Variants in XKR9 observed in about 807,000 individuals in gnomAD.
XKR9 encodes XK related 9, also known as XK-related protein 9.
XKR9 carries 32 observed loss-of-function variants against 32.0 expected under a neutral mutation model. That is an observed-to-expected ratio of 1.00 (90% CI 0.76 to 1.34). XKR9 has a LOEUF of 1.34. XKR9 is among the 40% of genes most tolerant of loss of function. The pLI, the probability that XKR9 is intolerant of heterozygous loss-of-function variation, is 0.00. For synonymous variants in XKR9, 168 were observed against 143.4 expected (o/e 1.17, Z -1.22); for missense variants, 546 against 429.7 (o/e 1.27, Z -2.39).
the XKR9 span, among the ~76,000 whole-genome samples, chr8:70,857,867 C>A: frequency 1.3e-5 from 2 of 152,084 alleles, no homozygotes; most frequent in African/African-American, 2.4e-5. Context: ...ACAAAAACCA[C>A]GTGATTATCT....
the XKR9 span, among the ~76,000 whole-genome samples, chr8:71,001,214 G>A: frequency 6.6e-6 from 1 of 152,106 alleles, no homozygotes; most frequent in African/African-American, 2.4e-5. Flanking sequence ...AGAGAAATAG[G>A]CATGGGATCG....
At chr8:70,846,507 G>A in the XKR9 span, among the ~76,000 whole-genome samples, 1 of 151,798 alleles carries the variant, frequency 6.6e-6, no homozygotes, top group Non-Finnish European at 1.5e-5. Context: ...CTACAAAATG[G>A]TAGGAATAAG....
the XKR9 span, among the ~76,000 whole-genome samples, chr8:70,962,893 A>G: frequency 0.42 from 63,776 of 152,112 alleles, 14,456 homozygotes; most frequent in Non-Finnish European, 0.52. Context: ...ACTGCATTAC[A>G]TATATTTTAA....
the XKR9 span, among the ~76,000 whole-genome samples, chr8:70,809,053 G>T: frequency 6.6e-6 from 1 of 152,198 alleles, no homozygotes; most frequent in Non-Finnish European, 1.5e-5. Flanking sequence ...CCCAGTAGGG[G>T]CAGACTGACA....
At chr8:70,786,529 CT>C (rs1807690524) in intron 2 of XKR9, among the ~76,000 whole-genome samples, 1 of 151,888 alleles carries the variant, frequency 6.6e-6, no homozygotes, top group Admixed American at 6.6e-5. Context: ...ACATAATGTC[CT>C]TTTTTTGCTT....
the XKR9 span, among the ~76,000 whole-genome samples, chr8:70,854,812 G>C: frequency 2.0e-5 from 3 of 152,032 alleles, no homozygotes; most frequent in Non-Finnish European, 4.4e-5. Flanking sequence ...TGTCAGGTTT[G>C]TCAAAGATCA....
chr8:70,826,609 C>A, the XKR9 span, among the ~76,000 whole-genome samples: 1 of 152,028 alleles, frequency 6.6e-6, no homozygotes, highest in African/African-American at 2.4e-5. Context: ...ATAGCTTGGG[C>A]TGGGTGACTT....
chr8:70,959,164 A>G, the XKR9 span, among the ~76,000 whole-genome samples: 1 of 152,216 alleles, frequency 6.6e-6, no homozygotes, highest in African/African-American at 2.4e-5. Context: ...AAAAATGAGC[A>G]CATTTGTAAA....
the XKR9 span, among the ~76,000 whole-genome samples, chr8:70,952,953 G>A: frequency 3.9e-5 from 6 of 152,274 alleles, no homozygotes; most frequent in East Asian, 9.6e-4. Context: ...TGTGATCAGT[G>A]AACTCACCTC....
At chr8:70,856,223 C>T in the XKR9 span, among the ~76,000 whole-genome samples, 1 of 152,104 alleles carries the variant, frequency 6.6e-6, no homozygotes, top group Non-Finnish European at 1.5e-5. Context: ...GTGCTGTATT[C>T]AGAAAAACCA....
At chr8:71,007,847 G>A in the XKR9 span, among the ~76,000 whole-genome samples, 1,321 of 151,776 alleles carry the variant, frequency 8.7e-3, 19 homozygotes, top group Non-Finnish European at 0.013. Flanking sequence ...TATTGCATAC[G>A]TAATAAAAAA....
the XKR9 span, among the ~76,000 whole-genome samples, chr8:70,948,906 C>T: frequency 6.6e-6 from 1 of 152,162 alleles, no homozygotes; most frequent in South Asian, 2.1e-4. Flanking sequence ...GATAGTTTTC[C>T]AAAGATACAT....
At chr8:70,860,671 C>T in the XKR9 span, among the ~76,000 whole-genome samples, 12 of 151,698 alleles carry the variant, frequency 7.9e-5, no homozygotes, top group Non-Finnish European at 1.2e-4. Flanking sequence ...CCACCCCTAC[C>T]CCTATAACTC....
intron 2 of XKR9, among the ~76,000 whole-genome samples, chr8:70,767,153 G>C (rs1048060921): frequency 6.6e-6 from 1 of 152,080 alleles, no homozygotes; most frequent in Non-Finnish European, 1.5e-5. Flanking sequence ...TCTATTGTTT[G>C]GAATAGTTTC....
the XKR9 span, among the ~76,000 whole-genome samples, chr8:70,889,228 C>T: frequency 6.6e-6 from 1 of 151,236 alleles, no homozygotes; most frequent in Non-Finnish European, 1.5e-5. Context: ...TAAATGGGAT[C>T]GCCATCTTGA....
chr8:71,003,772 A>G, the XKR9 span, among the ~76,000 whole-genome samples: 1 of 152,354 alleles, frequency 6.6e-6, no homozygotes, highest in East Asian at 1.9e-4. Flanking sequence ...CATGATTGGC[A>G]TTTCTGAGGA....
intron 2 of XKR9, among the ~76,000 whole-genome samples, chr8:70,762,023 T>C (rs550617742): frequency 1.3e-5 from 2 of 152,264 alleles, no homozygotes; most frequent in South Asian, 4.1e-4. Flanking sequence ...TGCGGTCTTA[T>C]TTCTTGGTTC....
At chr8:70,940,184 G>C in the XKR9 span, among the ~76,000 whole-genome samples, 4 of 151,994 alleles carry the variant, frequency 2.6e-5, no homozygotes, top group Admixed American at 2.0e-4. Flanking sequence ...CCCCACTTCT[G>C]TCACTGGGAT....
In XKR9 at chr8:70,681,022, G is replaced by A; in HGVS notation, c.-37G>A. ...GCTTTTTTTCCCTTTTTGTGAGGGA[G>A]AAAAAAGTAGATAACGAAAAGCTAT... On this transcript the variant is annotated 5_prime_UTR_variant, in exon 3 of 5. Coordinates refer to ENST00000408926, the MANE Select transcript of XKR9 (RefSeq NM_001011720.2). 5.1e-6 allele frequency: 8 copies of A among 1,563,750 alleles called. No individual in the cohort carries two copies. In the South Asian group the frequency reaches 9.7e-5, roughly 19 times the overall value.
Sources: allele counts gnomAD v4.1 joint callset (sites outside exome capture counted in the v4.1 genomes callset), GRCh38; gene constraint gnomAD v4.1.1; transcripts MANE v1.5; gene names NCBI Gene and HGNC (gene_info 2026-07-23, HGNC 2026-07-21).